Variants in LRP1B observed in about 807,000 individuals in gnomAD.
LRP1B encodes low-density lipoprotein receptor-related protein 1B.
In LRP1B, 217 loss-of-function variants were observed where a neutral mutation model predicts 556.6. The observed-to-expected ratio is 0.39, with a 90% CI of 0.35 to 0.44. LRP1B has a LOEUF of 0.44. Among genes scored for constraint, LRP1B ranks in the 20% least tolerant of loss-of-function variants. LRP1B has a pLI of 1.00. For synonymous variants in LRP1B, 2,047 were observed against 1,865.8 expected (o/e 1.10, Z -2.50); for missense variants, 5,053 against 5,620.8 (o/e 0.90, Z 3.23).
chr2:140,540,474 A>C (rs1680092865), intron 45 of LRP1B, among the ~76,000 whole-genome samples: 1 of 152,124 alleles, frequency 6.6e-6, no homozygotes, highest in Non-Finnish European at 1.5e-5. Flanking sequence ...AGGTATAAAC[A>C]CCATGCAAGG....
intron 2 of LRP1B, among the ~76,000 whole-genome samples, chr2:141,618,125 G>T (rs116725215): frequency 0.019 from 2,874 of 152,184 alleles, 53 homozygotes; most frequent in Non-Finnish European, 0.025. Context: ...AGGTCTGAGG[G>T]GACGGAGAAA....
intron 1 of LRP1B, among the ~76,000 whole-genome samples, chr2:141,867,567 G>T (rs1029404881): frequency 6.6e-6 from 1 of 152,056 alleles, no homozygotes; most frequent in Admixed American, 6.6e-5. Flanking sequence ...AGATGACTAA[G>T]GTATGTCTTA....
chr2:140,936,352 AAAAAAAAAAAGAAAGG>A (rs1382472919), intron 20 of LRP1B, among the ~76,000 whole-genome samples: 11 of 142,180 alleles, frequency 7.7e-5, no homozygotes, highest in Admixed American at 6.4e-4. Flanking sequence ...AAAAAAAAAA[AAAAAAAAAAAGAAAGG>A]AAAAAAGAAA....
At chr2:140,985,628 C>A (rs574218834) in intron 17 of LRP1B, among the ~76,000 whole-genome samples, 1 of 152,028 alleles carries the variant, frequency 6.6e-6, no homozygotes, top group Non-Finnish European at 1.5e-5. Flanking sequence ...TGACTGTGTC[C>A]ACTTGCTCCA....
intron 34 of LRP1B, among the ~76,000 whole-genome samples, chr2:140,769,638 T>C (rs1689236811): frequency 6.6e-6 from 1 of 151,880 alleles, no homozygotes; most frequent in Non-Finnish European, 1.5e-5. Context: ...AATCTCCCAA[T>C]TGGTGATGAT....
chr2:140,246,998 T>C (rs1043726139), intron 87 of LRP1B, 88 bp downstream of exon 87: 12 of 892,174 alleles, frequency 1.3e-5, no homozygotes, highest in African/African-American at 1.7e-5. Context: ...ATGAAGAAAG[T>C]GTTCTAAGAC....
At chr2:140,609,721 A>G (rs1250375561) in intron 41 of LRP1B, among the ~76,000 whole-genome samples, 1 of 152,196 alleles carries the variant, frequency 6.6e-6, no homozygotes, top group African/African-American at 2.4e-5. Context: ...CCAAAAACGT[A>G]TGTTGAGTGT....
intron 3 of LRP1B, among the ~76,000 whole-genome samples, chr2:141,426,236 T>C (rs1351919636): frequency 6.6e-6 from 1 of 151,926 alleles, no homozygotes; most frequent in Non-Finnish European, 1.5e-5. Flanking sequence ...GTTGTAGATA[T>C]GCGGCGTTAT....
chr2:140,866,675 G>C (rs1440244709), intron 27 of LRP1B, among the ~76,000 whole-genome samples: 1 of 152,024 alleles, frequency 6.6e-6, no homozygotes, highest in Non-Finnish European at 1.5e-5. Context: ...ATGAGATTTT[G>C]GTAGAATAAA....
intron 1 of LRP1B, among the ~76,000 whole-genome samples, chr2:141,971,688 C>G (rs1701737271): frequency 6.6e-6 from 1 of 151,474 alleles, no homozygotes; most frequent in Non-Finnish European, 1.5e-5. Flanking sequence ...AACCTAGCAT[C>G]AAGTTACCAG....
intron 7 of LRP1B, among the ~76,000 whole-genome samples, chr2:141,171,803 T>C (rs1032899861): frequency 1.3e-5 from 2 of 152,020 alleles, no homozygotes; most frequent in African/African-American, 4.8e-5. Flanking sequence ...ATGATACTAC[T>C]CCATACCTCA....
At chr2:142,128,050 C>A (rs1347402223) in intron 1 of LRP1B, among the ~76,000 whole-genome samples, 2 of 151,976 alleles carry the variant, frequency 1.3e-5, no homozygotes, top group African/African-American at 4.8e-5. Context: ...TAAAAACTTA[C>A]ATGTACATTA....
At chr2:141,782,834 G>T (rs2105642977) in intron 2 of LRP1B, among the ~76,000 whole-genome samples, 1 of 151,940 alleles carries the variant, frequency 6.6e-6, no homozygotes, top group South Asian at 2.1e-4. Context: ...AAATTTTATT[G>T]TATGTTTACT....
chr2:141,498,947 C>T (rs1476949364), intron 2 of LRP1B, among the ~76,000 whole-genome samples: 4 of 152,106 alleles, frequency 2.6e-5, no homozygotes, highest in Non-Finnish European at 5.9e-5. Flanking sequence ...TCCAGGGTAT[C>T]ATTTCCTCAG....
At chr2:140,808,912 T>A (rs1327859527) in intron 32 of LRP1B, among the ~76,000 whole-genome samples, 2 of 152,090 alleles carry the variant, frequency 1.3e-5, no homozygotes, top group African/African-American at 4.8e-5. Flanking sequence ...AAATCCTGTA[T>A]CCTGTTCTCC....
At chr2:141,330,686 G>T (rs1559009800) in intron 3 of LRP1B, among the ~76,000 whole-genome samples, 1 of 151,686 alleles carries the variant, frequency 6.6e-6, no homozygotes, top group Non-Finnish European at 1.5e-5. Flanking sequence ...TCCTGGCAAG[G>T]CCAAGAAGGT....
chr2:141,509,272 T>C (rs1288963992), intron 2 of LRP1B, among the ~76,000 whole-genome samples: 2 of 152,140 alleles, frequency 1.3e-5, no homozygotes, highest in Non-Finnish European at 2.9e-5. Context: ...GAACAGATAT[T>C]CATCAAAACT....
chr2:141,051,861 T>C (rs1346113720), intron 10 of LRP1B, among the ~76,000 whole-genome samples: 1 of 152,074 alleles, frequency 6.6e-6, no homozygotes, highest in African/African-American at 2.4e-5. Context: ...TTCATTGCTG[T>C]ATAGCATTCC....
intron 41 of LRP1B, among the ~76,000 whole-genome samples, chr2:140,632,887 C>T (rs912584278): frequency 2.6e-5 from 4 of 151,814 alleles, no homozygotes; most frequent in Admixed American, 6.6e-5. Flanking sequence ...CATGGTGAAA[C>T]CCTGTCTCCA....
Sources: allele counts gnomAD v4.1 joint callset (sites outside exome capture counted in the v4.1 genomes callset), GRCh38; gene constraint gnomAD v4.1.1; transcripts MANE v1.5; gene names NCBI Gene and HGNC (gene_info 2026-07-23, HGNC 2026-07-21).